HTR2A: variants seen among roughly 807,000 people sequenced by gnomAD.
HTR2A encodes the protein 5-HT2 receptor.
In HTR2A, 14 loss-of-function variants were observed where a neutral mutation model predicts 31.0. That is an observed-to-expected ratio of 0.45 (90% CI 0.30 to 0.71). The LOEUF (loss-of-function observed/expected upper bound fraction) is 0.71. HTR2A is among the 30% of genes least tolerant of loss of function. The pLI, the probability that HTR2A is intolerant of heterozygous loss-of-function variation, is 0.09. For missense variants in HTR2A, 442 were observed against 573.3 expected (o/e 0.77, Z 2.34); for synonymous variants, 209 against 225.2 (o/e 0.93, Z 0.64).
chr13:46,846,559 G>A (rs1187789539), intron 3 of HTR2A, among the ~76,000 whole-genome samples: 1 of 152,210 alleles, frequency 6.6e-6, no homozygotes, highest in African/African-American at 2.4e-5. Context: ...TGCAGAGCAA[G>A]AATGTTTCCC....
chr13:46,840,896 G>C (rs943696989), intron 3 of HTR2A, among the ~76,000 whole-genome samples: 7 of 152,066 alleles, frequency 4.6e-5, no homozygotes, highest in African/African-American at 1.4e-4. Flanking sequence ...GTTTCATTCT[G>C]TGTCTCCACC....
At position 46,895,184 on chromosome 13, in the gene HTR2A, G is replaced by A. The variant is rs1951091062; in HGVS notation, c.412+311C>T. 1 of 270,936 alleles carries A rather than the reference G, an allele frequency of 3.7e-6. No homozygotes were observed. The highest frequency in any genetic ancestry group is 7.0e-6 in the Non-Finnish European group (1 of 142,350). 16.8% of individuals were successfully genotyped at this position (270,936 alleles called of 1,614,324 possible). On this transcript the variant is annotated intron_variant, in intron 2 of 3. Coordinates refer to ENST00000542664, the MANE Select transcript of HTR2A (RefSeq NM_000621.5). The surrounding 1 kb of genome is among the most constrained non-coding windows in gnomAD (Gnocchi z 4.4). ...AGTTATTGGTTTATGACTGTATGGG[G>A]TAATTTATAAAAATTTCTACATTAA...
At chr13:46,886,927 A>G (rs1343001229) in intron 3 of HTR2A, among the ~76,000 whole-genome samples, 2 of 152,162 alleles carry the variant, frequency 1.3e-5, no homozygotes, top group African/African-American at 4.8e-5. Context: ...GAAAAAATAC[A>G]TCCTAGGTAT....
At position 46,876,402 on chromosome 13, in the gene HTR2A, ATATTTTT is replaced by A. The variant is rs1197144112; in HGVS notation, c.613+15981_613+15987del. Among the ~76,000 whole-genome samples, 388 of 78,404 alleles carry A rather than the reference ATATTTTT, an allele frequency of 4.9e-3. 1 individual carries two copies. Among genetic ancestry groups the A allele is most frequent in the East Asian group, 0.03 (56 of 1,880 alleles). The allele number at this position is 78,404 out of a possible 152,430, so 51.4% of individuals were successfully genotyped here. A position where few individuals can be genotyped will look rare whatever the true frequency, so the allele number is the denominator to read the frequency against. ...TTTTGATTCATATATATATATATAT[ATATTTTT>A]TTTTTTTTTTTTTTTTTTGAGACAG... On this transcript the variant is annotated intron_variant, in intron 3 of 3. Transcript: ENST00000542664.
At chr13:46,845,328 G>A (rs182279714) in intron 3 of HTR2A, among the ~76,000 whole-genome samples, 1 of 152,168 alleles carries the variant, frequency 6.6e-6, no homozygotes, top group African/African-American at 2.4e-5. Context: ...ACAGGGATGA[G>A]GCAAGGAGAC....
intron 3 of HTR2A, among the ~76,000 whole-genome samples, chr13:46,861,077 T>TG (rs1950775110): frequency 6.6e-6 from 1 of 152,156 alleles, no homozygotes; most frequent in South Asian, 2.1e-4. Context: ...GCTGACTAAG[T>TG]GGGAAAATAC....
intron 3 of HTR2A, among the ~76,000 whole-genome samples, chr13:46,859,379 A>G (rs541024894): frequency 1.8e-4 from 28 of 152,258 alleles, no homozygotes; most frequent in African/African-American, 5.8e-4. Flanking sequence ...CATCAGCTTA[A>G]AAGTATATTT....
At chr13:46,846,179 G>T (rs1272384629) in intron 3 of HTR2A, among the ~76,000 whole-genome samples, 1 of 152,102 alleles carries the variant, frequency 6.6e-6, no homozygotes, top group Non-Finnish European at 1.5e-5. Context: ...CATTTAATTG[G>T]AGTTTTTTTT....
chr13:46,849,454 C>A (rs1950665648), intron 3 of HTR2A, among the ~76,000 whole-genome samples: 1 of 152,156 alleles, frequency 6.6e-6, no homozygotes, highest in Non-Finnish European at 1.5e-5. Flanking sequence ...ACCATCCAAA[C>A]TCCTTACTTT....
intron 3 of HTR2A, among the ~76,000 whole-genome samples, chr13:46,869,593 A>T (rs1882894473): frequency 6.6e-6 from 1 of 152,148 alleles, no homozygotes; most frequent in Non-Finnish European, 1.5e-5. Context: ...CCAAAGAATT[A>T]AAAACAGGTT....
intron 3 of HTR2A, among the ~76,000 whole-genome samples, chr13:46,883,372 A>G (rs573800378): frequency 9.2e-5 from 14 of 152,000 alleles, no homozygotes; most frequent in African/African-American, 1.7e-4. Context: ...CAGAAAATAC[A>G]TGATTATGTT....
At chr13:46,875,003 T>G (rs1301032663) in intron 3 of HTR2A, among the ~76,000 whole-genome samples, 1 of 152,178 alleles carries the variant, frequency 6.6e-6, no homozygotes, top group Non-Finnish European at 1.5e-5. Flanking sequence ...AAAATTACCC[T>G]TATCATAGAA....
intron 3 of HTR2A, among the ~76,000 whole-genome samples, chr13:46,880,190 G>C (rs2138238871): frequency 6.6e-6 from 1 of 152,314 alleles, no homozygotes; most frequent in South Asian, 2.1e-4. Context: ...TCCAGGTTGG[G>C]TTTTGGTTAG....
At chr13:46,891,555 G>A (rs1845818626) in intron 3 of HTR2A, among the ~76,000 whole-genome samples, 1 of 152,182 alleles carries the variant, frequency 6.6e-6, no homozygotes, top group Non-Finnish European at 1.5e-5. Flanking sequence ...ATTTCAAGCG[G>A]TGGAATCTCA....
At chr13:46,883,081 G>A (rs2183056) in intron 3 of HTR2A, among the ~76,000 whole-genome samples, 152,325 of 152,332 alleles carry the variant, frequency 1, 76,159 homozygotes, top group Non-Finnish European at 1. Context: ...AAAACCATGG[G>A]CAGCCAATTA....
At chr13:46,856,488 C>T (rs1950738783) in intron 3 of HTR2A, among the ~76,000 whole-genome samples, 1 of 152,084 alleles carries the variant, frequency 6.6e-6, no homozygotes, top group South Asian at 2.1e-4. Flanking sequence ...TATCCCTACA[C>T]TTGGGATGCA....
chr13:46,859,676 T>A (rs1192391286), intron 3 of HTR2A, among the ~76,000 whole-genome samples: 1 of 152,172 alleles, frequency 6.6e-6, no homozygotes, highest in African/African-American at 2.4e-5. Flanking sequence ...CTGCTTCCCC[T>A]TCTGCCATGA....
At chr13:46,862,449 A>G (rs546583746) in intron 3 of HTR2A, among the ~76,000 whole-genome samples, 2 of 152,242 alleles carry the variant, frequency 1.3e-5, no homozygotes, top group South Asian at 4.1e-4. Flanking sequence ...TTTTGCTATC[A>G]AGGTTAATAA....
chr13:46,867,669 G>A (rs1215453896), intron 3 of HTR2A, among the ~76,000 whole-genome samples: 4 of 152,178 alleles, frequency 2.6e-5, no homozygotes, highest in Non-Finnish European at 4.4e-5. Context: ...GGTTTGTTAA[G>A]CTCGGTTTTC....
Sources: gnomAD v4.1 joint callset for allele counts (sites outside exome capture counted in the v4.1 genomes callset) on GRCh38, gnomAD v4.1.1 for gene constraint, Gnocchi (gnomAD v3.1) non-coding constraint, MANE v1.5 for transcripts, NCBI Gene and HGNC (gene_info 2026-07-23, HGNC 2026-07-21) for gene names.